ASAP3: variants seen among roughly 807,000 people sequenced by gnomAD.
The protein encoded by ASAP3 is arf-GAP with SH3 domain, ANK repeat and PH domain-containing protein 3.
ASAP3 carries 85 observed loss-of-function variants against 118.2 expected under a neutral mutation model. The observed-to-expected ratio is 0.72, with a 90% CI of 0.60 to 0.86. ASAP3 has a LOEUF of 0.86. Among genes scored for constraint, ASAP3 ranks in the 40% least tolerant of loss-of-function variants. The pLI, the probability that ASAP3 is intolerant of heterozygous loss-of-function variation, is 0.00. For missense variants in ASAP3, 1,026 were observed against 1,175.0 expected (o/e 0.87, Z 1.85); for synonymous variants, 432 against 477.4 (o/e 0.90, Z 1.24).
intron 3 of ASAP3, 90 bp from the exon 4 acceptor site, chr1:23,452,861 A>G: frequency 7.7e-7 from 1 of 1,299,440 alleles, no homozygotes; most frequent in Non-Finnish European, 1.1e-6. Flanking sequence ...CACTTGGCAA[A>G]GAGAGCAGCG....
Position 23,434,274 on chromosome 1 carries a change from C to T in ASAP3, c.1931G>A (p.Gly644Glu). 1.2e-6 allele frequency: 2 copies of T among 1,614,134 alleles called. No individual in the cohort carries two copies. The highest frequency in any genetic ancestry group is 1.7e-6 in the Non-Finnish European group (2 of 1,180,022). Residue 644 changes from glycine (G) to glutamate (E), a missense_variant, in exon 19 of 25, where the codon GGG becomes GAG. Transcript: ENST00000336689. ...CCCACCTGTGCCAACCAAAGCTCTC[C>T]CCTTCAGCAGCAGCTTGAGGCAGTC... ...QPDCLKLLLK[G>E]RALVGTVNEA...
chr1:23,464,653 C>G (rs1641703135), intron 1 of ASAP3, among the ~76,000 whole-genome samples: 1 of 86,760 alleles, frequency 1.2e-5, no homozygotes, highest in Admixed American at 2.0e-4. Flanking sequence ...GAATGAGACA[C>G]TGTCTTAAAA....
Position 23,466,932 on chromosome 1 carries a change from A to T in ASAP3, c.130-10738T>A, listed in dbSNP as rs562511297. 6.6e-5 allele frequency among the ~76,000 whole-genome samples: 10 copies of T among 152,104 alleles called. No homozygotes were observed. In the East Asian group the frequency reaches 1.9e-3, roughly 29 times the overall value. On this transcript the variant is annotated intron_variant, in intron 1 of 24. Coordinates refer to ENST00000336689, the MANE Select transcript of ASAP3 (RefSeq NM_017707.4). ...GCCCAGGCTGGAGTGCAGTGGTGTG[A>T]TCTCAGTTCACCGCAACCTCCGCCT... is the stretch of plus-strand genomic sequence containing the variant.
rs758002450 is a variant in ASAP3, at chr1:23,441,458, C to G, written c.763G>C (p.Glu255Gln). 2 of 1,614,152 alleles carry G rather than the reference C, an allele frequency of 1.2e-6. No individual in the cohort carries two copies. ...TGGGTCAGCTTCTGTAGCTCGTCCT[C>G]CTGGGCCTGATGGAGCTATGGGACA... ...ASVHALHQAQ[E>Q]DELQKLTQLR... Residue 255 changes from glutamate (E) to glutamine (Q), a missense_variant, in exon 9 of 25, where the codon GAG (glutamate) becomes CAG (glutamine). Transcript: ENST00000336689.
intron 3 of ASAP3, among the ~76,000 whole-genome samples, chr1:23,453,305 G>C (rs1406076900): frequency 3.9e-5 from 6 of 151,916 alleles, no homozygotes; most frequent in African/African-American, 1.4e-4. Flanking sequence ...GTGGTCAGAT[G>C]GGGTAAACGC....
chr1:23,454,765 C>T (rs1381124982), intron 3 of ASAP3, among the ~76,000 whole-genome samples: 1 of 152,178 alleles, frequency 6.6e-6, no homozygotes, highest in Non-Finnish European at 1.5e-5. Context: ...ATTTACTGAG[C>T]GCTTACCATA....
intron 1 of ASAP3, among the ~76,000 whole-genome samples, chr1:23,477,189 G>GT (rs1231410335): frequency 2.0e-5 from 3 of 151,346 alleles, no homozygotes; most frequent in African/African-American, 7.3e-5. Context: ...GCTAATTTTT[G>GT]TATTTTTAGG....
In ASAP3 at chr1:23,453,366, T is replaced by C. The variant is rs74062719; in HGVS notation, c.349-595A>G. Among the ~76,000 whole-genome samples, 1,443 of 152,204 alleles carry C rather than the reference T, an allele frequency of 9.5e-3. 25 individuals carry two copies. Among genetic ancestry groups the C allele is most frequent in the African/African-American group, 0.033 (1,380 of 41,522 alleles). On this transcript the variant is annotated intron_variant, in intron 3 of 24. Transcript: ENST00000336689. ...CCAGCCCCAGGATAGAGGGACTGGA[T>C]AGGGAACAGGCACGCACCCAAGCCA...
intron 21 of ASAP3, 47 bp downstream of exon 21, chr1:23,433,378 C>T (rs1396728076): frequency 6.2e-7 from 1 of 1,613,802 alleles, no homozygotes; most frequent in Non-Finnish European, 8.5e-7. Flanking sequence ...CAATCTGGCT[C>T]TTTCCTTCTG....
intron 17 of ASAP3, among the ~76,000 whole-genome samples, chr1:23,435,357 C>T (rs1433599042): frequency 6.6e-6 from 1 of 152,244 alleles, no homozygotes; most frequent in East Asian, 1.9e-4. Context: ...TCGAATCAGT[C>T]AGCAACTCCT....
At chr1:23,484,351 T>TCCGGCC, upstream of ASAP3, 1 of 391,872 alleles carries the variant, frequency 2.6e-6, no homozygotes, top group Non-Finnish European at 3.9e-6. Flanking sequence ...AGGTCCAGGC[T>TCCGGCC]CCGGCCCCGG....
chr1:23,456,154 T>G lies in ASAP3; in HGVS notation c.170A>C (p.Lys57Thr), dbSNP rs766886545. 6.2e-7 allele frequency: 1 copy of G among 1,614,142 alleles called. No individual in the cohort carries two copies. The highest frequency in any genetic ancestry group is 1.1e-5 in the South Asian group (1 of 91,078). The change falls in exon 2 of 25, where the codon AAG (lysine) becomes ACG (threonine). Residue 57 changes from lysine (K) to threonine (T), a missense_variant. Coordinates refer to ENST00000336689, the MANE Select transcript of ASAP3 (RefSeq NM_017707.4). ...GGAGCTATGGATTGCCCGCACAGCC[T>G]TCTTTATTCTCTGCAGGATGGCTTG... is the stretch of plus-strand genomic sequence containing the variant. Reference protein sequence around the residue: ...GDQAILQRIKKAVRAIHSSGL... With the variant: ...GDQAILQRIKTAVRAIHSSGL...
chr1:23,437,524 C>A lies in ASAP3; in HGVS notation c.1103-52G>T. 6.2e-7 allele frequency: 1 copy of A among 1,608,306 alleles called. No individual in the cohort carries two copies. On this transcript the variant is annotated intron_variant, in intron 12 of 24. Transcript: ENST00000336689. This position sits in a 1 kb window ranked among gnomAD's most constrained non-coding sequence, Gnocchi z 6.1. ...CCCACAGAAATGCTGCTGGCCTTCCCGGAGCCCAGGGAGCCCCCACCAAAG... is the reference window on the plus strand; with the variant it reads ...CCCACAGAAATGCTGCTGGCCTTCCAGGAGCCCAGGGAGCCCCCACCAAAG...
rs1570335926 is a variant in ASAP3 at position 23,436,793 on chromosome 1, T to G, written c.1476+118A>C. On this transcript the variant is annotated intron_variant, in intron 15 of 24. Transcript: ENST00000336689. The surrounding 1 kb of genome is among the most constrained non-coding windows in gnomAD (Gnocchi z 4.2). ...GCCCCGCCCCTGACCACCCGCTACC[T>G]GGCTTGTCCCAGCCCACCTCGGCCA... The G allele has an allele frequency of 7.8e-7, 1 of 1,286,478 alleles. No homozygotes were observed. The allele number at this position is 1,286,478 out of a possible 1,614,324, so 79.7% of individuals were successfully genotyped here.
intron 21 of ASAP3, 67 bp downstream of exon 21, chr1:23,433,358 A>T (rs773354136): frequency 6.2e-7 from 1 of 1,613,000 alleles, no homozygotes; most frequent in Non-Finnish European, 8.5e-7. Flanking sequence ...CCGCCAACAC[A>T]CACCAGGCCC....
At position 23,434,541 on chromosome 1, in the gene ASAP3, G is replaced by A. The variant is rs1640564636; in HGVS notation, c.1827C>T (p.Ile609=). The A allele has an allele frequency of 1.2e-6, 2 of 1,614,152 alleles. No homozygotes were observed. Among genetic ancestry groups the A allele is most frequent in the Non-Finnish European group, 1.7e-6 (2 of 1,180,030 alleles). Residue 609 remains isoleucine (I), a synonymous_variant, in exon 18 of 25, where the codon ATC becomes ATT. Transcript: ENST00000336689. ...GGCAGGGAGGCTCTCACCCGTTCTG[G>A]ATGATGAAATCCACCAGAGGCAGGG... ...QASLPLVDFI[I]QNGGHLDAKA...
intron 5 of ASAP3, among the ~76,000 whole-genome samples, chr1:23,442,887 G>A (rs1418329796): frequency 6.6e-6 from 1 of 152,168 alleles, no homozygotes; most frequent in Non-Finnish European, 1.5e-5. Context: ...GTCTGAGCTG[G>A]GATCTGAAGC....
chr1:23,432,988 A>G, intron 22 of ASAP3, 89 bp downstream of exon 22: 1 of 1,469,186 alleles, frequency 6.8e-7, no homozygotes, highest in Non-Finnish European at 9.4e-7. Flanking sequence ...GATAGTACGG[A>G]CTAACATATG....
chr1:23,432,209 G>C (rs537775624), intron 22 of ASAP3, among the ~76,000 whole-genome samples: 2 of 152,156 alleles, frequency 1.3e-5, no homozygotes, highest in South Asian at 4.1e-4. Context: ...GTTTCACCAT[G>C]TTGGCTGGGC....
Sources: gnomAD v4.1 joint callset for allele counts (sites outside exome capture counted in the v4.1 genomes callset) on GRCh38, gnomAD v4.1.1 for gene constraint, Gnocchi (gnomAD v3.1) non-coding constraint, MANE v1.5 for transcripts, NCBI Gene and HGNC (gene_info 2026-07-23, HGNC 2026-07-21) for gene names.